Variants in RIMS2 observed in about 807,000 individuals in gnomAD.
The protein encoded by RIMS2 is regulating synaptic membrane exocytosis protein 2.
Under a neutral mutation model 174.4 loss-of-function variants are expected in RIMS2, and 59 were observed. The observed-to-expected ratio is 0.34, with a 90% CI of 0.27 to 0.42. RIMS2 has a LOEUF of 0.42. Among genes scored for constraint, RIMS2 ranks in the 10% least tolerant of loss-of-function variants. RIMS2 has a pLI of 1.00. For missense variants in RIMS2, 1,620 were observed against 1,666.3 expected, an observed-to-expected ratio of 0.97 and a Z score of 0.48; for synonymous variants, 606 against 572.5, an observed-to-expected ratio of 1.06 and a Z score of -0.84.
At chr8:104,134,338 G>A (rs1360954853) in intron 19 of RIMS2, among the ~76,000 whole-genome samples, 1 of 152,112 alleles carries the variant, frequency 6.6e-6, no homozygotes, top group Non-Finnish European at 1.5e-5. Context: ...GGTGTTGAGC[G>A]CCTACAATCC....
chr8:103,871,850 G>A (rs1026348947), intron 3 of RIMS2, among the ~76,000 whole-genome samples: 6 of 151,996 alleles, frequency 3.9e-5, no homozygotes, highest in East Asian at 3.9e-4. Flanking sequence ...TGCCAAGAAC[G>A]AATTCTTTCT....
chr8:103,942,706 G>A (rs1297459212), intron 13 of RIMS2, 67 bp from the exon 16 acceptor site: 10 of 1,136,384 alleles, frequency 8.8e-6, no homozygotes, highest in Non-Finnish European at 1.0e-5. Context: ...AAAAGTTATA[G>A]GACCATTTAA....
chr8:103,815,319 T>A (rs2098712113), intron 3 of RIMS2, among the ~76,000 whole-genome samples: 1 of 152,294 alleles, frequency 6.6e-6, no homozygotes, highest in Non-Finnish European at 1.5e-5. Flanking sequence ...ATACATTATC[T>A]TATTATTTTT....
At chr8:104,024,631 G>A (rs1264261892) in intron 19 of RIMS2, among the ~76,000 whole-genome samples, 1 of 152,224 alleles carries the variant, frequency 6.6e-6, no homozygotes, top group Non-Finnish European at 1.5e-5. Context: ...GTTGTATTAG[G>A]TAGCCATTGA....
chr8:103,763,094 A>T (rs924145081), intron 2 of RIMS2, among the ~76,000 whole-genome samples: 1 of 152,144 alleles, frequency 6.6e-6, no homozygotes, highest in Non-Finnish European at 1.5e-5. Flanking sequence ...CAAGAGTAGG[A>T]GGAGATGGTA....
At chr8:103,626,832 G>T (rs1273129904) in intron 1 of RIMS2, among the ~76,000 whole-genome samples, 6 of 151,984 alleles carry the variant, frequency 3.9e-5, no homozygotes, top group Admixed American at 6.5e-5. Context: ...AAGGGGAGGG[G>T]GGGTGTACAA....
intron 2 of RIMS2, among the ~76,000 whole-genome samples, chr8:103,757,654 C>T (rs754763611): frequency 1.2e-4 from 19 of 152,158 alleles, no homozygotes; most frequent in Non-Finnish European, 2.6e-4. Context: ...CAACTCTTCT[C>T]TTTCCTCAAA....
chr8:104,255,489 A>G (rs2099366456), downstream of RIMS2: 1 of 152,108 alleles, frequency 6.6e-6, no homozygotes, highest in Non-Finnish European at 1.5e-5. Flanking sequence ...CAGCTCACGA[A>G]TGAGCTCTTT....
chr8:103,722,618 TATAG>T (rs770882083), intron 2 of RIMS2, among the ~76,000 whole-genome samples: 7 of 152,168 alleles, frequency 4.6e-5, no homozygotes, highest in Non-Finnish European at 1.0e-4. Flanking sequence ...CTGCTATAAA[TATAG>T]ATAAAGTTTG....
chr8:103,656,923 G>A (rs1424747761), intron 1 of RIMS2, among the ~76,000 whole-genome samples: 1 of 152,162 alleles, frequency 6.6e-6, no homozygotes, highest in Non-Finnish European at 1.5e-5. Context: ...GTACCATCAA[G>A]CTCTGAAAGT....
intron 4 of RIMS2, among the ~76,000 whole-genome samples, chr8:103,900,266 C>A (rs2099320965): frequency 6.6e-6 from 1 of 151,664 alleles, no homozygotes; most frequent in Non-Finnish European, 1.5e-5. Flanking sequence ...TCTTGTCTCC[C>A]AGACTGGAGT....
At chr8:103,540,138 A>G (rs932186157) in intron 1 of RIMS2, among the ~76,000 whole-genome samples, 2 of 152,004 alleles carry the variant, frequency 1.3e-5, no homozygotes, top group Non-Finnish European at 2.9e-5. Context: ...AGCCATAGGT[A>G]CTCCACACGT....
chr8:104,189,085 T>C (rs924564961), intron 19 of RIMS2, among the ~76,000 whole-genome samples: 1 of 151,976 alleles, frequency 6.6e-6, no homozygotes, highest in Non-Finnish European at 1.5e-5. Context: ...ATTTTGTGTA[T>C]TTCAAAAGTA....
intron 1 of RIMS2, among the ~76,000 whole-genome samples, chr8:103,603,949 G>A (rs1388108270): frequency 1.4e-5 from 2 of 146,910 alleles, no homozygotes; most frequent in African/African-American, 5.0e-5. Context: ...TTTGTAGGTT[G>A]CCTGTTCACT....
chr8:103,806,544 G>A (rs2098651324), intron 3 of RIMS2, among the ~76,000 whole-genome samples: 1 of 151,960 alleles, frequency 6.6e-6, no homozygotes, highest in Admixed American at 6.6e-5. Flanking sequence ...AGACGGAGGA[G>A]GTTTAGATTC....
At chr8:104,037,134 C>T (rs1045246503) in intron 19 of RIMS2, among the ~76,000 whole-genome samples, 1 of 152,042 alleles carries the variant, frequency 6.6e-6, no homozygotes, top group African/African-American at 2.4e-5. Context: ...TCTAGTTTGT[C>T]ATCTGTAAAC....
At chr8:103,693,851 G>A (rs2097062864) in intron 1 of RIMS2, among the ~76,000 whole-genome samples, 2 of 152,158 alleles carry the variant, frequency 1.3e-5, no homozygotes, top group South Asian at 4.1e-4. Flanking sequence ...TTAAACTTGG[G>A]TCCACAGAGG....
intron 1 of RIMS2, among the ~76,000 whole-genome samples, chr8:103,510,937 G>T (rs543225897): frequency 6.6e-6 from 1 of 152,028 alleles, no homozygotes; most frequent in South Asian, 2.1e-4. Context: ...TATAAATTTG[G>T]ATATATATTT....
chr8:103,687,289 T>C (rs1237353577), intron 1 of RIMS2, among the ~76,000 whole-genome samples: 1 of 152,110 alleles, frequency 6.6e-6, no homozygotes, highest in Non-Finnish European at 1.5e-5. Context: ...TCTGTTGTAA[T>C]CTCTGTCATT....
Sources: gnomAD v4.1 joint callset for allele counts (sites outside exome capture counted in the v4.1 genomes callset) on GRCh38, gnomAD v4.1.1 for gene constraint, MANE v1.5 for transcripts, NCBI Gene and HGNC (gene_info 2026-07-23, HGNC 2026-07-21) for gene names.